DNAH17: variants seen among roughly 807,000 people sequenced by gnomAD.
DNAH17 encodes the protein dynein axonemal heavy chain 17.
A neutral mutation model predicts 485.6 loss-of-function variants in DNAH17; 376 were observed. The observed-to-expected ratio is 0.77, with a 90% CI of 0.71 to 0.84. DNAH17 has a LOEUF of 0.84. DNAH17 is among the 40% of genes least tolerant of loss of function. The pLI, the probability that DNAH17 is intolerant of heterozygous loss-of-function variation, is 0.00. For missense variants in DNAH17, 6,370 were observed against 5,839.3 expected (o/e 1.09, Z -2.96); for synonymous variants, 3,031 against 2,405.9 (o/e 1.26, Z -7.60).
chr17:78,570,452 A>G (rs2092335634), intron 6 of DNAH17, 80 bp from the exon 7 acceptor site: 23 of 1,509,972 alleles, frequency 1.5e-5, no homozygotes, highest in Non-Finnish European at 3.6e-6. Context: ...TTCCCTTCCC[A>G]TGGCTCTCAC....
intron 74 of DNAH17, among the ~76,000 whole-genome samples, chr17:78,435,518 T>TGTGCTGGCTGGCAGGGCTCC (rs2086826740): frequency 6.6e-6 from 1 of 152,132 alleles, no homozygotes; most frequent in Non-Finnish European, 1.5e-5. Context: ...GCCACTCCCG[T>TGTGCTGGCTGGCAGGGCTCC]GTGCTGGCTG....
chr17:78,448,069 G>C (rs1414274254), intron 69 of DNAH17, among the ~76,000 whole-genome samples: 3 of 152,086 alleles, frequency 2.0e-5, no homozygotes, highest in Admixed American at 6.6e-5. Flanking sequence ...CTACTCGGAA[G>C]ACTGAGGTAG....
At chr17:78,460,134 G>A (rs375895162) in intron 59 of DNAH17, 28 bp downstream of exon 59, 11 of 1,586,884 alleles carry the variant, frequency 6.9e-6, no homozygotes, top group East Asian at 2.3e-5. Context: ...CCAGGCCAGG[G>A]GTCCCCTTTC....
chr17:78,559,591 G>C (rs1401027993), intron 13 of DNAH17, among the ~76,000 whole-genome samples: 1 of 152,194 alleles, frequency 6.6e-6, no homozygotes, highest in Non-Finnish European at 1.5e-5. Context: ...GCTCCCAACT[G>C]ATTTTCCTGC....
intron 20 of DNAH17, among the ~76,000 whole-genome samples, chr17:78,532,264 G>A (rs1272272791): frequency 6.6e-6 from 1 of 152,148 alleles, no homozygotes; most frequent in Non-Finnish European, 1.5e-5. Flanking sequence ...TGACCCTGAT[G>A]CTACCCCGTG....
At chr17:78,569,079 AG>A (rs931780704) in intron 9 of DNAH17, 86 bp downstream of exon 9, 10 of 1,037,100 alleles carry the variant, frequency 9.6e-6, no homozygotes, top group South Asian at 1.5e-5. Flanking sequence ...ATTATTGGCA[AG>A]GGGGGTAGGG....
chr17:78,499,199 T>C, intron 36 of DNAH17, 87 bp from the exon 37 acceptor site: 2 of 982,206 alleles, frequency 2.0e-6, no homozygotes, highest in Non-Finnish European at 2.9e-6. Flanking sequence ...CCTCTTCGGC[T>C]GTGTTTTCTC....
chr17:78,514,648 C>T (rs2090731479), intron 26 of DNAH17, 126 bp downstream of exon 26: 2 of 1,323,472 alleles, frequency 1.5e-6, no homozygotes, highest in African/African-American at 2.9e-5. Flanking sequence ...CGAAGCCAGC[C>T]CTGCCCACAT....
At chr17:78,485,122 G>A (rs960063772) in intron 47 of DNAH17, 89 bp from the exon 48 acceptor site, 45 of 1,454,048 alleles carry the variant, frequency 3.1e-5, no homozygotes, top group South Asian at 1.6e-4. Context: ...TTCCCCGGAG[G>A]ACAGAAGGTG....
Position 78,428,554 on chromosome 17 carries a change from C to T in DNAH17, c.12559G>A (p.Ala4187Thr). ...TCCTCGCGGGACACTCCCGTGCCTG[C>T]CCCCGAGTCCGTCTCTTTTGGCTGC... ...EMQPKETDSG[A>T]GTGVSREEKV... Residue 4187 changes from alanine to threonine, a missense_variant, in exon 77 of 81, where the codon GCA (alanine) becomes ACA (threonine). By Grantham distance (58) the Ala-to-Thr change is moderately conservative. Transcript: ENST00000389840. 1 of 1,612,020 alleles carries T rather than the reference C, an allele frequency of 6.2e-7. No individual in the cohort carries two copies. The highest frequency in any genetic ancestry group is 8.5e-7 in the Non-Finnish European group (1 of 1,179,080).
At chr17:78,543,224 C>T (rs1291651346) in intron 17 of DNAH17, among the ~76,000 whole-genome samples, 3 of 152,224 alleles carry the variant, frequency 2.0e-5, no homozygotes, top group Non-Finnish European at 4.4e-5. Flanking sequence ...AAGCGATTCT[C>T]CTGCCTCAGC....
Position 78,502,969 on chromosome 17 carries a change from TA to T in DNAH17, c.4998del (p.Thr1667ProfsTer11). The T allele has an allele frequency of 6.2e-7, 1 of 1,613,766 alleles. No individual in the cohort carries two copies. Among genetic ancestry groups the T allele is most frequent in the Non-Finnish European group, 8.5e-7 (1 of 1,179,842 alleles). ...GCCTCTGGGATTTCGTGCCGGAGGG[TA>T]GAGCACATTCGGTCCAGCACTCGAT... ...WLNRVLDRMC[S>X]TLRHEIPEAV... On this transcript the variant is annotated frameshift_variant, in exon 32 of 81. Transcript: ENST00000389840. LOFTEE classifies it high-confidence loss of function.
rs956641289 is a variant in DNAH17, at chr17:78,444,879, GGA to G, written c.11335-84_11335-83del. ...CCTTCCTGTACAGTTCATTCAAGGA[GGA>G]GAGGCCATTACCCTCCGAGGAAACC... On this transcript the variant is annotated intron_variant, in intron 70 of 80. Coordinates refer to ENST00000389840, the MANE Select transcript of DNAH17 (RefSeq NM_173628.4). 2.2e-6 allele frequency: 3 copies of G among 1,374,912 alleles called. No individual in the cohort carries two copies. In the African/African-American group the frequency reaches 4.5e-5, roughly 20 times the overall value. 85.2% of individuals were successfully genotyped at this position (1,374,912 alleles called of 1,614,324 possible). A position where few individuals can be genotyped will look rare whatever the true frequency, so the allele number is the denominator to read the frequency against.
At chr17:78,472,832 C>G in intron 54 of DNAH17, 1 of 433,082 alleles carries the variant, frequency 2.3e-6, no homozygotes, top group Non-Finnish European at 4.7e-6. Flanking sequence ...CCCAGCTCCA[C>G]CCAGGTCACC....
Position 78,574,844 on chromosome 17 carries a change from G to A in DNAH17, c.214C>T (p.Leu72Phe). ...IIPCLGFPQS[L>F]KSKGVYFIKT... ...ATGAAGTAAACCCCTTTGGACTTGA[G>A]GGACTGGGGGAAGCCCAGGCAGGGT... Residue 72 changes from leucine to phenylalanine, a missense_variant, in exon 2 of 81, where the codon CTC becomes TTC. Leu to Phe is a conservative substitution (Grantham distance 22). Coordinates refer to ENST00000389840, the MANE Select transcript of DNAH17 (RefSeq NM_173628.4). The A allele has an allele frequency of 6.2e-7, 1 of 1,614,040 alleles. No homozygotes were observed. The highest frequency in any genetic ancestry group is 8.5e-7 in the Non-Finnish European group (1 of 1,179,894).
rs1171562450 is a variant in DNAH17, at chr17:78,499,146, G to A, written c.5641-34C>T. ...GGCGAGATGGAGAAAGGAAGAGCTG[G>A]GAGGGTGACAGGGAGGGCGGGCGCT... On this transcript the variant is annotated intron_variant, in intron 36 of 80. Coordinates refer to ENST00000389840, the MANE Select transcript of DNAH17 (RefSeq NM_173628.4). 6.0e-6 allele frequency: 9 copies of A among 1,489,374 alleles called. No homozygotes were observed. The Middle Eastern group carries it at 5.5e-4, about 91-fold the overall frequency. The allele number at this position is 1,489,374 out of a possible 1,614,324, so 92.3% of individuals were successfully genotyped here.
At position 78,437,861 on chromosome 17, in the gene DNAH17, T is replaced by G. The variant is rs1598447162; in HGVS notation, c.11813A>C (p.His3938Pro). The change falls in exon 74 of 81, where the codon CAC (histidine) becomes CCC (proline). Residue 3938 changes from histidine to proline, a missense_variant. Physicochemically the swap from His to Pro is moderately conservative, Grantham distance 77. Coordinates refer to ENST00000389840, the MANE Select transcript of DNAH17 (RefSeq NM_173628.4). ...KGHWVILQNI[H>P]LVARWLGTLD... ...TGTTCCCAGCCACCGGGCCACCAGG[T>G]GGATATTCTGCAGCCAAGACTAGAG... The G allele has an allele frequency of 6.2e-7, 1 of 1,608,526 alleles. No homozygotes were observed. The highest frequency in any genetic ancestry group is 8.5e-7 in the Non-Finnish European group (1 of 1,177,298).
chr17:78,561,070 T>C, intron 12 of DNAH17, 135 bp from the exon 13 acceptor site: 1 of 801,480 alleles, frequency 1.2e-6, no homozygotes, highest in Non-Finnish European at 2.0e-6. Flanking sequence ...ACAGACTGAA[T>C]ATGCAAACAA....
intron 9 of DNAH17, among the ~76,000 whole-genome samples, chr17:78,568,499 A>T (rs748962691): frequency 2.6e-5 from 4 of 152,186 alleles, no homozygotes; most frequent in Admixed American, 6.5e-5. Flanking sequence ...AAATTACACC[A>T]TGCAGAAGAT....
Sources: gnomAD v4.1 joint callset for allele counts (sites outside exome capture counted in the v4.1 genomes callset) on GRCh38, gnomAD v4.1.1 for gene constraint, MANE v1.5 for transcripts, NCBI Gene and HGNC (gene_info 2026-07-23, HGNC 2026-07-21) for gene names.